The following PRDM16 variants were observed in gnomAD, a reference collection of about 807,000 sequenced individuals.
PRDM16 encodes PR/SET domain 16.
PRDM16 carries 23 observed loss-of-function variants against 110.6 expected under a neutral mutation model. The ratio of observed to expected loss-of-function variants is 0.21; its 90% CI spans 0.15 to 0.29. PRDM16 has a LOEUF of 0.29. PRDM16 is among the 10% of genes least tolerant of loss of function. PRDM16 has a pLI of 1.00. For missense variants in PRDM16, 1,615 were observed against 1,794.3 expected (o/e 0.90, Z 1.81); for synonymous variants, 799 against 781.8 (o/e 1.02, Z -0.37).
At chr1:3,415,755 C>T (rs2100672176) in intron 10 of PRDM16, among the ~76,000 whole-genome samples, 1 of 152,338 alleles carries the variant, frequency 6.6e-6, no homozygotes. Context: ...CCTGCCACCC[C>T]CGCTGCCTGT....
intron 1 of PRDM16, 134 bp from the exon 2 acceptor site, chr1:3,185,991 G>C (rs1346150056): frequency 2.8e-6 from 2 of 703,358 alleles, no homozygotes; most frequent in Non-Finnish European, 2.5e-6. Context: ...TCCCGGGCAG[G>C]GGTGGCAGCC....
chr1:3,232,796 G>C (rs1639446927), intron 2 of PRDM16, among the ~76,000 whole-genome samples: 2 of 152,190 alleles, frequency 1.3e-5, no homozygotes, highest in African/African-American at 4.8e-5. Flanking sequence ...TCAGTGAGTG[G>C]TGTCGTAGCC....
Position 3,390,932 on chromosome 1 carries a change from T to A in PRDM16, c.574-5559T>A, listed in dbSNP as rs1050671523. 5.1e-4 allele frequency among the ~76,000 whole-genome samples: 76 copies of A among 150,178 alleles called. No individual in the cohort carries two copies. The highest frequency in any genetic ancestry group is 1.8e-3 in the African/African-American group (73 of 40,578). On this transcript the variant is annotated intron_variant, in intron 4 of 16. Transcript: ENST00000270722. The surrounding 1 kb of genome is among the most constrained non-coding windows in gnomAD (Gnocchi z 5.0). ...CTCACTGCAACCTCCGCCTCCCGGGTTCAAGCGATTCTCCTGTCTCAGCCT... is the reference window on the plus strand; with the variant it reads ...CTCACTGCAACCTCCGCCTCCCGGGATCAAGCGATTCTCCTGTCTCAGCCT...
intron 1 of PRDM16, among the ~76,000 whole-genome samples, chr1:3,180,522 G>A (rs964060841): frequency 6.6e-6 from 1 of 152,166 alleles, no homozygotes; most frequent in Non-Finnish European, 1.5e-5. Flanking sequence ...GTGCAGCTGG[G>A]TGGGACCGAG....
intron 15 of PRDM16, 110 bp downstream of exon 15, chr1:3,431,218 T>A: frequency 1.4e-6 from 2 of 1,462,946 alleles, no homozygotes; most frequent in Non-Finnish European, 1.8e-6. Flanking sequence ...GCTCAGCCCC[T>A]ACTCCAGCAC....
Position 3,251,159 on chromosome 1 carries a change from A to G in PRDM16, c.438+7022A>G, listed in dbSNP as rs570561432. ...TTGGAGACCCAGAGGAGCCGGACCA[A>G]GCCAGGGCCCCTTCCCCACCCACCC... On this transcript the variant is annotated intron_variant, in intron 3 of 16. Coordinates refer to ENST00000270722, the MANE Select transcript of PRDM16 (RefSeq NM_022114.4). Among the ~76,000 whole-genome samples the G allele has an allele frequency of 1.6e-4, 24 of 152,366 alleles. No individual in the cohort carries two copies. In the East Asian group the frequency reaches 3.5e-3, roughly 22 times the overall value.
At chr1:3,270,343 AGAGGACAGTCCCGGAG>A (rs570418221) in intron 3 of PRDM16, among the ~76,000 whole-genome samples, 6,036 of 139,256 alleles carry the variant, frequency 0.043, 262 homozygotes, top group African/African-American at 0.12. Context: ...CAGTCAGGGA[AGAGGACAGTCCCGGAG>A]GAGGACAGTC....
chr1:3,421,890 AG>A (rs1638440021), intron 12 of PRDM16, among the ~76,000 whole-genome samples: 1 of 151,738 alleles, frequency 6.6e-6, no homozygotes, highest in South Asian at 2.1e-4. Context: ...GCGGACAGAC[AG>A]GAAGATAGGC....
At position 3,261,931 on chromosome 1, in the gene PRDM16, A is replaced by T. The variant is rs1246995736; in HGVS notation, c.438+17794A>T. The stretch of plus-strand genomic sequence containing the variant: ...TAGGAAGAGAAAGGAAAGAGCTGTC[A>T]TCCTACCCCCCACCCTGTCTCCTTT... On this transcript the variant is annotated intron_variant, in intron 3 of 16. Coordinates refer to ENST00000270722, the MANE Select transcript of PRDM16 (RefSeq NM_022114.4). Among the ~76,000 whole-genome samples, 3 of 152,218 alleles carry T rather than the reference A, an allele frequency of 2.0e-5. No individual in the cohort carries two copies. In the East Asian group the frequency reaches 5.8e-4, roughly 29 times the overall value.
intron 3 of PRDM16, among the ~76,000 whole-genome samples, chr1:3,348,760 G>T (rs763227187): frequency 4.6e-5 from 7 of 152,234 alleles, no homozygotes; most frequent in African/African-American, 1.4e-4. Flanking sequence ...GACCGGGGCC[G>T]CAGTGAGCCT....
chr1:3,162,359 G>A (rs1259672460), intron 1 of PRDM16, among the ~76,000 whole-genome samples: 5 of 152,166 alleles, frequency 3.3e-5, no homozygotes, highest in Admixed American at 6.5e-5. Context: ...CCGCAGCCGC[G>A]AAGCCTCGGT....
chr1:3,328,457 A>T (rs1170310934), intron 3 of PRDM16, among the ~76,000 whole-genome samples: 1 of 151,932 alleles, frequency 6.6e-6, no homozygotes, highest in African/African-American at 2.4e-5. Flanking sequence ...GCATGCGCGG[A>T]GCTTTCGTCA....
At chr1:3,140,164 C>T (rs1569663924) in intron 1 of PRDM16, among the ~76,000 whole-genome samples, 1 of 152,256 alleles carries the variant, frequency 6.6e-6, no homozygotes, top group East Asian at 1.9e-4. Flanking sequence ...CCGAAGTGGT[C>T]CCCGCTCCCC....
At chr1:3,130,680 C>T (rs1247768143) in intron 1 of PRDM16, among the ~76,000 whole-genome samples, 1 of 151,318 alleles carries the variant, frequency 6.6e-6, no homozygotes, top group Non-Finnish European at 1.5e-5. Flanking sequence ...TCTTCAGTTT[C>T]TTAATTTTCA....
intron 3 of PRDM16, among the ~76,000 whole-genome samples, chr1:3,264,715 AG>A (rs1358859472): frequency 6.7e-6 from 1 of 149,678 alleles, no homozygotes; most frequent in African/African-American, 2.5e-5. Context: ...AGGGGCGTGG[AG>A]GGGGCTTGCA....
chr1:3,184,231 CT>C (rs1644242757), intron 1 of PRDM16, among the ~76,000 whole-genome samples: 1 of 152,236 alleles, frequency 6.6e-6, no homozygotes, highest in Non-Finnish European at 1.5e-5. Context: ...TTCCTTACGA[CT>C]TTTCCCCCCA....
At chr1:3,135,307 G>C (rs1205843212) in intron 1 of PRDM16, among the ~76,000 whole-genome samples, 1 of 152,192 alleles carries the variant, frequency 6.6e-6, no homozygotes, top group Non-Finnish European at 1.5e-5. Context: ...GTGGGGGCAG[G>C]GCGGGCCACG....
intron 4 of PRDM16, among the ~76,000 whole-genome samples, chr1:3,391,823 G>A (rs938139917): frequency 9.2e-5 from 14 of 152,242 alleles, no homozygotes; most frequent in Non-Finnish European, 2.1e-4. Context: ...CCGGCCAGAG[G>A]CAGGCTCCCA....
At chr1:3,103,812 T>C (rs1021537825) in intron 1 of PRDM16, among the ~76,000 whole-genome samples, 6 of 152,276 alleles carry the variant, frequency 3.9e-5, no homozygotes, top group Non-Finnish European at 1.5e-5. Context: ...GCCTTTTCAA[T>C]AAGATTTCAA....
Sources: gnomAD v4.1 joint callset for allele counts (sites outside exome capture counted in the v4.1 genomes callset) on GRCh38, gnomAD v4.1.1 for gene constraint, Gnocchi (gnomAD v3.1) non-coding constraint, MANE v1.5 for transcripts, NCBI Gene and HGNC (gene_info 2026-07-23, HGNC 2026-07-21) for gene names.